EFCAB11: variants seen among roughly 807,000 people sequenced by gnomAD.
EFCAB11 encodes EF-hand calcium binding domain 11.
Under a neutral mutation model 23.0 loss-of-function variants are expected in EFCAB11, and 14 were observed. The ratio of observed to expected loss-of-function variants is 0.61; its 90% CI spans 0.40 to 0.95. The LOEUF is 0.95. EFCAB11 is among the 40% of genes least tolerant of loss of function. The pLI, the probability that EFCAB11 is intolerant of heterozygous loss-of-function variation, is 0.00. For synonymous variants in EFCAB11, 65 were observed against 66.6 expected (o/e 0.98, Z 0.11); for missense variants, 198 against 195.8 (o/e 1.01, Z -0.07).
At chr14:89,857,427 C>A (rs1392455163) in intron 5 of EFCAB11, among the ~76,000 whole-genome samples, 7 of 152,182 alleles carry the variant, frequency 4.6e-5, no homozygotes, top group African/African-American at 1.7e-4. Flanking sequence ...TGTAAAAACA[C>A]GGTTCCCGAT....
intron 5 of EFCAB11, among the ~76,000 whole-genome samples, chr14:89,827,043 A>G (rs958634055): frequency 2.6e-5 from 4 of 152,220 alleles, no homozygotes; most frequent in African/African-American, 4.8e-5. Flanking sequence ...CAGAAACCAC[A>G]GTGGTTATTT....
chr14:89,938,626 TAA>T (rs1487554199), intron 3 of EFCAB11, among the ~76,000 whole-genome samples: 2 of 151,448 alleles, frequency 1.3e-5, no homozygotes, highest in Non-Finnish European at 2.9e-5. Flanking sequence ...GGAAAATGAG[TAA>T]AAACAGTTAG....
rs1890004888 is a variant in EFCAB11, at chr14:89,920,997, A to AGG, written c.410+10543_410+10544insCC. On this transcript the variant is annotated intron_variant, in intron 5 of 5. Coordinates refer to ENST00000316738, the MANE Select transcript of EFCAB11 (RefSeq NM_145231.4). The stretch of plus-strand genomic sequence containing the variant: ...GGAGAATCACTTGAACCTGGGAGGC[A>AGG]GAGGTTGCAGTGAGCCGAGGTCGCG... Among the ~76,000 whole-genome samples the AGG allele has an allele frequency of 2.0e-5, 3 of 151,388 alleles. 1 individual carries two copies. In the East Asian group the frequency reaches 5.8e-4, roughly 29 times the overall value.
In EFCAB11 at chr14:89,876,133, C is replaced by CT. The variant is rs148695054; in HGVS notation, c.410+55407dup. Among the ~76,000 whole-genome samples the CT allele has an allele frequency of 2.7e-3, 406 of 152,224 alleles. 2 individuals are homozygous for CT. Among genetic ancestry groups the CT allele is most frequent in the African/African-American group, 9.4e-3 (391 of 41,518 alleles). On this transcript the variant is annotated intron_variant, in intron 5 of 5. Coordinates refer to ENST00000316738, the MANE Select transcript of EFCAB11 (RefSeq NM_145231.4). ...ACTGTACTGAGTTCAGAAGTAGAGA[C>CT]TGTGGGGAAATGAAAACAACAAGCA...
chr14:89,895,833 T>C (rs1310038693), intron 5 of EFCAB11, among the ~76,000 whole-genome samples: 1 of 152,170 alleles, frequency 6.6e-6, no homozygotes, highest in South Asian at 2.1e-4. Flanking sequence ...AAAAGTCACT[T>C]GAAGAAAGTG....
intron 5 of EFCAB11, among the ~76,000 whole-genome samples, chr14:89,842,646 T>C (rs1307606062): frequency 1.3e-5 from 2 of 152,022 alleles, no homozygotes; most frequent in African/African-American, 2.4e-5. Context: ...TGATATAATA[T>C]AATGTCCCTC....
At chr14:89,801,493 A>C (rs2140075269) in intron 5 of EFCAB11, among the ~76,000 whole-genome samples, 1 of 152,300 alleles carries the variant, frequency 6.6e-6, no homozygotes, top group Non-Finnish European at 1.5e-5. Flanking sequence ...GCCTGCTAGG[A>C]ATTTGCAAGA....
At chr14:89,877,186 T>C (rs1451515667) in intron 5 of EFCAB11, among the ~76,000 whole-genome samples, 1 of 152,008 alleles carries the variant, frequency 6.6e-6, no homozygotes, top group Non-Finnish European at 1.5e-5. Context: ...ATTATAGGTG[T>C]GTGCCACCAC....
At chr14:89,924,649 C>T (rs1200877773) in intron 5 of EFCAB11, 16 of 1,535,372 alleles carry the variant, frequency 1.0e-5, no homozygotes, top group Middle Eastern at 3.3e-4. Flanking sequence ...TGATGACAGC[C>T]GAAGTTAAAT....
intron 5 of EFCAB11, chr14:89,833,235 A>G (rs1009058775): frequency 6.6e-6 from 1 of 151,342 alleles, no homozygotes; most frequent in East Asian, 1.9e-4. Flanking sequence ...TATTAAAGTA[A>G]CTGTGGCAGG....
chr14:89,952,424 A>G lies in EFCAB11; in HGVS notation c.171+1482T>C, dbSNP rs563779820. The G allele has an allele frequency of 8.6e-4, 846 of 985,320 alleles. 1 individual carries two copies. The highest frequency in any genetic ancestry group is 9.9e-4 in the Non-Finnish European group (824 of 829,926). 61.0% of individuals were successfully genotyped at this position (985,320 alleles called of 1,614,324 possible). ...GAATCCAAGTTAAATACAATGCTTC[A>G]CAGGCTGACTCTTTTCAGCTGACCT... On this transcript the variant is annotated intron_variant, in intron 2 of 5. Transcript: ENST00000316738.
intron 3 of EFCAB11, among the ~76,000 whole-genome samples, chr14:89,947,679 C>G (rs1236439788): frequency 6.6e-6 from 1 of 152,152 alleles, no homozygotes; most frequent in Admixed American, 6.6e-5. Context: ...GGCTTTTGAT[C>G]AAACACTCTT....
intron 5 of EFCAB11, among the ~76,000 whole-genome samples, chr14:89,870,120 T>A (rs1156947371): frequency 6.6e-6 from 1 of 152,144 alleles, no homozygotes; most frequent in Non-Finnish European, 1.5e-5. Context: ...TGTCTCAAAT[T>A]CCCAGGTAAT....
At chr14:89,906,217 A>AAATAAATT (rs1473542182) in intron 5 of EFCAB11, among the ~76,000 whole-genome samples, 6 of 147,300 alleles carry the variant, frequency 4.1e-5, no homozygotes, top group African/African-American at 1.5e-4. Context: ...ATAAATAAAT[A>AAATAAATT]AATTAAAGGT....
intron 3 of EFCAB11, among the ~76,000 whole-genome samples, chr14:89,946,176 A>G (rs1890977399): frequency 6.6e-6 from 1 of 152,028 alleles, no homozygotes; most frequent in South Asian, 2.1e-4. Flanking sequence ...GGCCTCTCAA[A>G]GTGCTGGGAT....
intron 2 of EFCAB11, among the ~76,000 whole-genome samples, chr14:89,950,922 C>G (rs1215444820): frequency 6.6e-6 from 1 of 152,080 alleles, no homozygotes; most frequent in African/African-American, 2.4e-5. Flanking sequence ...CTTGTATTCC[C>G]TAACGTTCTA....
At chr14:89,818,961 T>C (rs1323355059) in intron 5 of EFCAB11, among the ~76,000 whole-genome samples, 1 of 152,142 alleles carries the variant, frequency 6.6e-6, no homozygotes, top group Admixed American at 6.6e-5. Flanking sequence ...AATTAGGCAG[T>C]TTTGTAAAAA....
chr14:89,914,802 AAG>A (rs1187902338), intron 5 of EFCAB11, among the ~76,000 whole-genome samples: 3 of 152,086 alleles, frequency 2.0e-5, no homozygotes, highest in Non-Finnish European at 4.4e-5. Flanking sequence ...AAAAAAAAAA[AAG>A]AGAGAGACAG....
chr14:89,845,278 C>T (rs112593285), intron 5 of EFCAB11, among the ~76,000 whole-genome samples: 2,608 of 152,234 alleles, frequency 0.017, 28 homozygotes, highest in Non-Finnish European at 0.028. Flanking sequence ...TAGAGTTAGG[C>T]ATACCACAGG....
Sources: allele counts gnomAD v4.1 joint callset (sites outside exome capture counted in the v4.1 genomes callset), GRCh38; gene constraint gnomAD v4.1.1; transcripts MANE v1.5; gene names NCBI Gene and HGNC (gene_info 2026-07-23, HGNC 2026-07-21).